The following PID1 variants were observed in gnomAD, a reference collection of about 807,000 sequenced individuals.
PID1 encodes phosphotyrosine interaction domain containing 1.
A neutral mutation model predicts 19.1 loss-of-function variants in PID1; 10 were observed. The ratio of observed to expected loss-of-function variants is 0.52; its 90% CI spans 0.32 to 0.89. The LOEUF is 0.89. Among genes scored for constraint, PID1 ranks in the 40% least tolerant of loss-of-function variants. The probability of loss-of-function intolerance (pLI) is 0.03; values close to 1 mark genes in which losing one functional copy is unlikely to be tolerated. For synonymous variants in PID1, 130 were observed against 116.0 expected (o/e 1.12, Z -0.78); for missense variants, 248 against 285.3 (o/e 0.87, Z 0.94).
chr2:229,036,112 A>G (rs31274), intron 2 of PID1, among the ~76,000 whole-genome samples: 152,328 of 152,330 alleles, frequency 1, 76,163 homozygotes, highest in Non-Finnish European at 1. Flanking sequence ...CGTGCATTGT[A>G]TATCAACATA....
At chr2:229,052,098 G>A (rs745838710) in intron 2 of PID1, among the ~76,000 whole-genome samples, 42 of 152,082 alleles carry the variant, frequency 2.8e-4, no homozygotes, top group Admixed American at 1.3e-4. Flanking sequence ...GATAGTTGAC[G>A]CCCTCCACTT....
intron 1 of PID1, among the ~76,000 whole-genome samples, chr2:229,247,298 C>T (rs1174364617): frequency 6.6e-6 from 1 of 152,202 alleles, no homozygotes; most frequent in African/African-American, 2.4e-5. Context: ...CCAGAACTCA[C>T]ACATCTTTAT....
intron 2 of PID1, among the ~76,000 whole-genome samples, chr2:229,128,958 A>T (rs530868529): frequency 3.3e-5 from 5 of 152,178 alleles, no homozygotes; most frequent in Non-Finnish European, 5.9e-5. Context: ...TCCATGATGT[A>T]CTTATTTCAC....
At chr2:229,028,412 T>C (rs1246377314) in intron 2 of PID1, among the ~76,000 whole-genome samples, 1 of 152,212 alleles carries the variant, frequency 6.6e-6, no homozygotes, top group Non-Finnish European at 1.5e-5. Flanking sequence ...CTGTGATCGT[T>C]TGGCAGCAAA....
intron 2 of PID1, among the ~76,000 whole-genome samples, chr2:229,074,269 A>T (rs1694513915): frequency 6.6e-6 from 1 of 152,138 alleles, no homozygotes; most frequent in African/African-American, 2.4e-5. Flanking sequence ...TGGGAAAGAG[A>T]CCTGTCCCCA....
intron 1 of PID1, among the ~76,000 whole-genome samples, chr2:229,193,102 A>T (rs1016914860): frequency 1.3e-5 from 2 of 152,184 alleles, no homozygotes; most frequent in African/African-American, 4.8e-5. Context: ...GATTTAATGG[A>T]TCAGGAATAT....
At chr2:229,099,904 C>A (rs2106226984) in intron 2 of PID1, among the ~76,000 whole-genome samples, 1 of 152,290 alleles carries the variant, frequency 6.6e-6, no homozygotes, top group East Asian at 1.9e-4. Flanking sequence ...TTGTGTCCCT[C>A]CAAAATTCAT....
chr2:229,036,556 C>T (rs1693667662), intron 2 of PID1, among the ~76,000 whole-genome samples: 1 of 152,062 alleles, frequency 6.6e-6, no homozygotes, highest in East Asian at 1.9e-4. Context: ...CGAGACCAGC[C>T]TGGCCAACAC....
chr2:229,125,486 C>T (rs893266011), intron 2 of PID1, among the ~76,000 whole-genome samples: 7 of 151,610 alleles, frequency 4.6e-5, no homozygotes, highest in South Asian at 2.1e-4. Flanking sequence ...TAATTATTGA[C>T]GCAACTAACA....
At chr2:229,218,033 G>A (rs1691885120) in intron 1 of PID1, among the ~76,000 whole-genome samples, 1 of 152,106 alleles carries the variant, frequency 6.6e-6, no homozygotes, top group Admixed American at 6.5e-5. Flanking sequence ...TGTTTCCTCG[G>A]CTGTGCAGCC....
At chr2:229,260,235 G>C (rs1000229958) in intron 1 of PID1, among the ~76,000 whole-genome samples, 2 of 151,892 alleles carry the variant, frequency 1.3e-5, no homozygotes, top group African/African-American at 4.8e-5. Context: ...CAGTAGGTCA[G>C]GATAGACACA....
At chr2:229,247,920 C>T (rs192986297) in intron 1 of PID1, among the ~76,000 whole-genome samples, 66 of 152,292 alleles carry the variant, frequency 4.3e-4, no homozygotes, top group African/African-American at 1.5e-3. Flanking sequence ...GTCATTCTCA[C>T]TTATTCACTT....
intron 1 of PID1, among the ~76,000 whole-genome samples, chr2:229,269,774 T>G (rs1311282030): frequency 3.9e-5 from 6 of 152,234 alleles, no homozygotes; most frequent in African/African-American, 1.2e-4. Context: ...CCTCCTCATC[T>G]GCAAGGCTAA....
At position 229,158,511 on chromosome 2, in the gene PID1, G is replaced by C. The variant is rs1017962142; in HGVS notation, c.31-2547C>G. Among the ~76,000 whole-genome samples, 8 of 151,914 alleles carry C rather than the reference G, an allele frequency of 5.3e-5. No individual in the cohort carries two copies. In the East Asian group the frequency reaches 1.5e-3, roughly 29 times the overall value. ...ATTTTATTCAAGGACATATCACAAG[G>C]GCCTAAAACAGTTCCTAGCACATTT... is the stretch of plus-strand genomic sequence containing the variant. On this transcript the variant is annotated intron_variant, in intron 1 of 2. Transcript: ENST00000392055.
intron 2 of PID1, among the ~76,000 whole-genome samples, chr2:229,101,331 G>T (rs1002632690): frequency 2.0e-5 from 3 of 152,064 alleles, no homozygotes; most frequent in Admixed American, 6.6e-5. Context: ...CCATCACCTA[G>T]GTATTAATCC....
intron 1 of PID1, among the ~76,000 whole-genome samples, chr2:229,259,029 A>G (rs1318331203): frequency 6.7e-6 from 1 of 148,820 alleles, no homozygotes; most frequent in East Asian, 2.0e-4. Context: ...GTTTTTCCAC[A>G]TTCTCATCAA....
At chr2:229,176,746 AG>A (rs1690832379) in intron 1 of PID1, among the ~76,000 whole-genome samples, 1 of 152,198 alleles carries the variant, frequency 6.6e-6, no homozygotes, top group Non-Finnish European at 1.5e-5. Context: ...TAGTTAACAA[AG>A]GGAAGCCAAA....
At chr2:229,262,716 T>C in intron 1 of PID1, 1 of 1,551,522 alleles carries the variant, frequency 6.4e-7, no homozygotes, top group Non-Finnish European at 8.7e-7. Flanking sequence ...AATGTAAAGG[T>C]TGGCAGGGCC....
intron 1 of PID1, among the ~76,000 whole-genome samples, chr2:229,258,683 C>A (rs894989189): frequency 1.3e-5 from 2 of 151,896 alleles, no homozygotes; most frequent in African/African-American, 2.4e-5. Context: ...ACGGTGAAAC[C>A]CCGTCTCTAC....
Sources: allele counts gnomAD v4.1 joint callset (sites outside exome capture counted in the v4.1 genomes callset), GRCh38; gene constraint gnomAD v4.1.1; transcripts MANE v1.5; gene names NCBI Gene and HGNC (gene_info 2026-07-23, HGNC 2026-07-21).